Variants in NAV1 observed in about 807,000 individuals in gnomAD.
NAV1 encodes the protein pore membrane and/or filament interacting like protein 3.
In NAV1, 18 loss-of-function variants were observed where a neutral mutation model predicts 175.2. The ratio of observed to expected loss-of-function variants is 0.10; its 90% CI spans 0.07 to 0.15. The LOEUF (loss-of-function observed/expected upper bound fraction) is 0.15, where lower values mean the gene tolerates loss of function less well. Among genes scored for constraint, NAV1 ranks in the 10% least tolerant of loss-of-function variants. The pLI, the probability that NAV1 is intolerant of heterozygous loss-of-function variation, is 1.00. For missense variants in NAV1, 1,731 were observed against 2,436.6 expected (o/e 0.71, Z 6.10); for synonymous variants, 897 against 978.7 (o/e 0.92, Z 1.56).
intron 1 of NAV1, among the ~76,000 whole-genome samples, chr1:201,666,952 G>A (rs1029553456): frequency 1.3e-5 from 2 of 152,116 alleles, no homozygotes; most frequent in African/African-American, 4.8e-5. Context: ...TAGAGGCAAG[G>A]ACGCCATGCT....
chr1:201,715,714 C>G (rs538763252), intron 2 of NAV1, among the ~76,000 whole-genome samples: 2 of 152,200 alleles, frequency 1.3e-5, no homozygotes, highest in East Asian at 1.9e-4. Context: ...AGCTTATGGT[C>G]CAGTGTGTGC....
intron 1 of NAV1, among the ~76,000 whole-genome samples, chr1:201,704,596 A>T (rs902097636): frequency 1.3e-5 from 2 of 152,374 alleles, no homozygotes; most frequent in South Asian, 4.1e-4. Flanking sequence ...GGCATCAGGA[A>T]GTCAAGCCCT....
At chr1:201,751,556 A>G (rs866524739) in intron 3 of NAV1, among the ~76,000 whole-genome samples, 2 of 152,244 alleles carry the variant, frequency 1.3e-5, no homozygotes, top group African/African-American at 4.8e-5. Context: ...ATGGCAATCC[A>G]ATCTCATGGG....
At chr1:201,803,562 C>G (rs1678073412) in intron 15 of NAV1, 31 bp from the exon 20 acceptor site, 1 of 1,607,666 alleles carries the variant, frequency 6.2e-7, no homozygotes, top group East Asian at 2.2e-5. Context: ...TAAATCTGTT[C>G]TATGTTTTTC....
intron 1 of NAV1, among the ~76,000 whole-genome samples, chr1:201,656,709 C>T (rs772920684): frequency 1.6e-4 from 25 of 152,274 alleles, no homozygotes; most frequent in East Asian, 3.9e-4. Flanking sequence ...ACAAACTCAC[C>T]GGCTTGCAGC....
intron 15 of NAV1, chr1:201,795,179 T>A (rs1447750621): frequency 1.3e-5 from 2 of 152,442 alleles, no homozygotes; most frequent in African/African-American, 4.8e-5. Context: ...TACCAGTGAT[T>A]CCCAGCTTTC....
intron 1 of NAV1, among the ~76,000 whole-genome samples, chr1:201,626,935 A>C (rs1668345578): frequency 6.6e-6 from 1 of 152,176 alleles, no homozygotes; most frequent in East Asian, 1.9e-4. Context: ...ATGTGGATAA[A>C]AATACAGAGC....
intron 2 of NAV1, among the ~76,000 whole-genome samples, chr1:201,642,511 C>CTTTCTTTCTTTCTTTCTT (rs1553247033): frequency 4.4e-5 from 2 of 45,590 alleles, no homozygotes; most frequent in East Asian, 5.9e-4. Context: ...CGCACCCGGC[C>CTTTCTTTCTTTCTTTCTT]TCTTTCTTTC....
intron 1 of NAV1, among the ~76,000 whole-genome samples, chr1:201,553,275 A>G (rs1002605199): frequency 6.6e-6 from 1 of 152,282 alleles, no homozygotes; most frequent in Non-Finnish European, 1.5e-5. Context: ...AAAGCCAGAC[A>G]GAGCCTGTGC....
At chr1:201,822,139 C>T (rs1373903306) in exon 30 of NAV1, 2 of 152,606 alleles carry the variant, frequency 1.3e-5, no homozygotes, top group Admixed American at 6.5e-5. Context: ...CTGCTAATTC[C>T]ATGAGCTGTG....
At chr1:201,618,871 A>G (rs1668076042), upstream of NAV1, among the ~76,000 whole-genome samples, 2 of 152,138 alleles carry the variant, frequency 1.3e-5, no homozygotes, top group South Asian at 4.1e-4. Context: ...AAGATGCTGA[A>G]TACCTGTGGG....
chr1:201,782,685 C>A lies in NAV1; in HGVS notation c.2173C>A (p.Arg725=). The A allele has an allele frequency of 8.7e-6, 14 of 1,614,118 alleles. No homozygotes were observed. The highest frequency in any genetic ancestry group is 1.2e-5 in the Non-Finnish European group (14 of 1,180,020). ...GGAGCCTACCAAGGTAGCCAGTGGG[C>A]GGACCACTCCAGCCCCTGTCAATCA... Residue 725 remains arginine, a synonymous_variant, in exon 6 of 30, where the codon CGG becomes AGG. Transcript: ENST00000367296. The surrounding 1 kb of genome is among the most constrained non-coding windows in gnomAD (Gnocchi z 5.4).
At chr1:201,752,849 G>C (rs1252812573) in intron 3 of NAV1, among the ~76,000 whole-genome samples, 1 of 152,156 alleles carries the variant, frequency 6.6e-6, no homozygotes, top group South Asian at 2.1e-4. Context: ...GTTCTTTACT[G>C]CATCTACCTC....
intron 2 of NAV1, among the ~76,000 whole-genome samples, chr1:201,611,131 C>T (rs546550435): frequency 6.6e-6 from 1 of 152,338 alleles, no homozygotes; most frequent in East Asian, 1.9e-4. Context: ...TCTGCCCACT[C>T]TGCCCATGCC....
chr1:201,584,476 C>T (rs1372776297), intron 1 of NAV1, among the ~76,000 whole-genome samples: 1 of 152,178 alleles, frequency 6.6e-6, no homozygotes, highest in Non-Finnish European at 1.5e-5. Context: ...ACTGAGATTG[C>T]CTGAGATGTG....
At chr1:201,809,626 C>G in intron 22 of NAV1, 89 bp downstream of exon 26, 1 of 1,256,654 alleles carries the variant, frequency 8.0e-7, no homozygotes, top group Non-Finnish European at 1.1e-6. Flanking sequence ...TCTTGCCACC[C>G]AGGCTGGAGG....
intron 3 of NAV1, among the ~76,000 whole-genome samples, chr1:201,719,158 A>G (rs1571905078): frequency 3.4e-5 from 1 of 29,520 alleles, no homozygotes; most frequent in Non-Finnish European, 6.9e-5. Flanking sequence ...TCCCATTTGC[A>G]AAAAAAAAAA....
chr1:201,803,641 A>C, exon 16 of NAV1: 2 of 1,613,826 alleles, frequency 1.2e-6, no homozygotes, highest in Non-Finnish European at 1.7e-6. Context: ...TCAAGCCTCA[A>C]CAGCATCACT....
intron 2 of NAV1, among the ~76,000 whole-genome samples, chr1:201,607,115 CTTTTTTTT>C (rs914962230): frequency 1.5e-5 from 2 of 130,284 alleles, no homozygotes; most frequent in Admixed American, 7.9e-5. Flanking sequence ...TAATTTTTTT[CTTTTTTTT>C]TTTTTTTTTT....
Sources: gnomAD v4.1 joint callset for allele counts (sites outside exome capture counted in the v4.1 genomes callset) on GRCh38, gnomAD v4.1.1 for gene constraint, Gnocchi (gnomAD v3.1) non-coding constraint, MANE v1.5 for transcripts, NCBI Gene and HGNC (gene_info 2026-07-23, HGNC 2026-07-21) for gene names.